NT5C3A: variants seen among roughly 807,000 people sequenced by gnomAD.
NT5C3A encodes 5'-nucleotidase, cytosolic IIIA, also known as cytosolic 5'-nucleotidase 3A.
A neutral mutation model predicts 40.0 loss-of-function variants in NT5C3A; 23 were observed. That is an observed-to-expected ratio of 0.58 (90% CI 0.41 to 0.81). The LOEUF (loss-of-function observed/expected upper bound fraction) is 0.81, where lower values mean the gene tolerates loss of function less well. NT5C3A is among the 40% of genes least tolerant of loss of function. The pLI, the probability that NT5C3A is intolerant of heterozygous loss-of-function variation, is 0.00. For synonymous variants in NT5C3A, 130 were observed against 141.4 expected (o/e 0.92, Z 0.57); for missense variants, 328 against 403.0 (o/e 0.81, Z 1.59).
rs1785970534 is a variant in NT5C3A at position 33,026,872 on chromosome 7, G to A, written c.182C>T (p.Thr61Ile). 6.2e-7 allele frequency: 1 copy of A among 1,612,686 alleles called. No homozygotes were observed. Among genetic ancestry groups the A allele is most frequent in the Non-Finnish European group, 8.5e-7 (1 of 1,179,704 alleles). ...ACCACAGATAATTTCTTCTACTCTT[G>A]TAGGGTTCTTGATTCGAACTGAACT... is the stretch of plus-strand genomic sequence containing the variant. ...QKSSVRIKNP[T>I]RVEEIICGLI... Residue 61 changes from threonine to isoleucine, a missense_variant, in exon 2 of 9, where the codon ACA becomes ATA. Around this residue, in one of 3 missense-constraint regions of NT5C3A, gnomAD observed 280 missense variants for 317.2 expected, o/e 0.88. Transcript: ENST00000610140.
At chr7:33,037,577 G>A (rs1460195600) in intron 1 of NT5C3A, among the ~76,000 whole-genome samples, 7 of 151,946 alleles carry the variant, frequency 4.6e-5, no homozygotes, top group Non-Finnish European at 8.8e-5. Context: ...TCTAAAATTC[G>A]GTCCCTACTC....
chr7:33,042,014 AT>A (rs1260555706), intron 1 of NT5C3A, among the ~76,000 whole-genome samples: 3 of 152,318 alleles, frequency 2.0e-5, no homozygotes, highest in Non-Finnish European at 2.9e-5. Flanking sequence ...CATGAAAAAA[AT>A]TTTAAATTGC....
intron 1 of NT5C3A, among the ~76,000 whole-genome samples, chr7:33,041,405 G>A (rs1786905726): frequency 6.6e-6 from 1 of 152,086 alleles, no homozygotes; most frequent in African/African-American, 2.4e-5. Flanking sequence ...TGGTTGCACG[G>A]TAGTGTAGAT....
intron 1 of NT5C3A, chr7:33,046,221 T>C (rs1787143036): frequency 6.6e-6 from 1 of 152,196 alleles, no homozygotes; most frequent in African/African-American, 2.4e-5. Context: ...ATGGTTCCCA[T>C]CTCAATGTAT....
At chr7:33,051,161 T>A (rs1474145898) in intron 1 of NT5C3A, among the ~76,000 whole-genome samples, 6 of 152,088 alleles carry the variant, frequency 3.9e-5, no homozygotes, top group Non-Finnish European at 7.4e-5. Context: ...TATTTTTATT[T>A]TTTATTTATT....
chr7:33,054,707 G>A (rs1408326661), intron 1 of NT5C3A, among the ~76,000 whole-genome samples: 2 of 152,104 alleles, frequency 1.3e-5, no homozygotes, highest in African/African-American at 4.8e-5. Flanking sequence ...ACAATTTTGT[G>A]GCTAAAACAA....
intron 1 of NT5C3A, among the ~76,000 whole-genome samples, chr7:33,037,906 T>C (rs551358461): frequency 2.6e-5 from 4 of 152,324 alleles, no homozygotes; most frequent in Non-Finnish European, 5.9e-5. Context: ...TGGGGATTAG[T>C]AGTCTTTAGC....
chr7:33,048,575 G>C (rs1386709647), intron 1 of NT5C3A, among the ~76,000 whole-genome samples: 1 of 152,112 alleles, frequency 6.6e-6, no homozygotes, highest in African/African-American at 2.4e-5. Context: ...ATATATGAAA[G>C]CTTTATTATC....
chr7:33,016,016 C>A (rs969227185), intron 7 of NT5C3A, 146 bp from the exon 8 acceptor site: 1 of 656,264 alleles, frequency 1.5e-6, no homozygotes, highest in Non-Finnish European at 2.7e-6. Context: ...GCACTTAAGT[C>A]CATCACATTC....
chr7:33,056,482 A>G (rs1787575939), intron 1 of NT5C3A, among the ~76,000 whole-genome samples: 1 of 77,012 alleles, frequency 1.3e-5, no homozygotes, highest in Non-Finnish European at 2.6e-5. Context: ...CCAAAAAAAA[A>G]AAAAAAAAAA....
At chr7:33,032,973 A>C (rs545370244) in intron 1 of NT5C3A, among the ~76,000 whole-genome samples, 2 of 152,266 alleles carry the variant, frequency 1.3e-5, no homozygotes, top group East Asian at 3.9e-4. Context: ...GCTGGTCTCA[A>C]ACTCCTGAGC....
chr7:33,021,486 T>C (rs563069720), intron 4 of NT5C3A, 129 bp from the exon 5 acceptor site: 6 of 1,151,914 alleles, frequency 5.2e-6, no homozygotes, highest in Admixed American at 3.0e-5. Flanking sequence ...AATGCATCAA[T>C]TGAAAAAATA....
intron 1 of NT5C3A, chr7:33,040,974 T>C: frequency 1.0e-6 from 1 of 985,424 alleles, no homozygotes; most frequent in Non-Finnish European, 1.2e-6. Flanking sequence ...CCAAAAGCCT[T>C]GACTAAGCCC....
chr7:33,017,370 A>G, intron 7 of NT5C3A, 69 bp downstream of exon 7: 1 of 1,276,950 alleles, frequency 7.8e-7, no homozygotes, highest in Non-Finnish European at 1.1e-6. Context: ...TTAAGTAACA[A>G]TAAATAAATT....
At chr7:33,032,706 CTCAGCA>C (rs1786349607) in intron 1 of NT5C3A, among the ~76,000 whole-genome samples, 1 of 151,786 alleles carries the variant, frequency 6.6e-6, no homozygotes, top group Non-Finnish European at 1.5e-5. Context: ...ATCTGCCTGC[CTCAGCA>C]TCCCAAAGTG....
At chr7:33,022,741 T>C (rs1785695972) in intron 3 of NT5C3A, among the ~76,000 whole-genome samples, 1 of 152,226 alleles carries the variant, frequency 6.6e-6, no homozygotes, top group African/African-American at 2.4e-5. Flanking sequence ...ATAATTTATA[T>C]CATTTCTGCA....
chr7:33,059,176 GA>G (rs1173131134), intron 1 of NT5C3A, among the ~76,000 whole-genome samples: 1 of 152,166 alleles, frequency 6.6e-6, no homozygotes, highest in Non-Finnish European at 1.5e-5. Flanking sequence ...AGACATTAGG[GA>G]AAATATTATT....
intron 1 of NT5C3A, among the ~76,000 whole-genome samples, chr7:33,060,611 T>C (rs942608880): frequency 5.9e-5 from 9 of 152,160 alleles, no homozygotes; most frequent in African/African-American, 1.9e-4. Context: ...CCAGAAGTTA[T>C]TGGTTTTCTT....
intron 1 of NT5C3A, chr7:33,040,788 A>G: frequency 1.4e-6 from 1 of 719,350 alleles, no homozygotes; most frequent in Non-Finnish European, 1.7e-6. Flanking sequence ...AAAATGCCCA[A>G]AATTTCAGTA....
Sources: gnomAD v4.1 joint callset for allele counts (sites outside exome capture counted in the v4.1 genomes callset) on GRCh38, gnomAD v4.1.1 for gene constraint, gnomAD v4.1.1 regional missense constraint, MANE v1.5 for transcripts, NCBI Gene and HGNC (gene_info 2026-07-23, HGNC 2026-07-21) for gene names.